Variants in UTP25 observed in about 807,000 individuals in gnomAD.
The protein encoded by UTP25 is U3 small nucleolar RNA-associated protein 25 homolog.
In UTP25, 50 loss-of-function variants were observed where a neutral mutation model predicts 78.9. That is an observed-to-expected ratio of 0.63 (90% CI 0.50 to 0.80). UTP25 has a LOEUF of 0.80. Ranked by LOEUF, UTP25 falls within the 30% of genes least tolerant of loss-of-function variation. The pLI is 0.00. For synonymous variants in UTP25, 329 were observed against 336.5 expected (o/e 0.98, Z 0.24); for missense variants, 846 against 911.3 (o/e 0.93, Z 0.92).
At chr1:209,848,273 C>G (rs1191470192) in intron 11 of UTP25, among the ~76,000 whole-genome samples, 1 of 152,148 alleles carries the variant, frequency 6.6e-6, no homozygotes, top group Non-Finnish European at 1.5e-5. Flanking sequence ...ATATTACGTA[C>G]TTTCTACCTC....
chr1:209,852,140 C>T lies in UTP25; in HGVS notation c.*693C>T, dbSNP rs1364748630. On this transcript the variant is annotated 3_prime_UTR_variant, in exon 12 of 12. Transcript: ENST00000491415. ...TCCATGTTAAAATATCCATCTTCAA[C>T]AGTAGTGTCTTCATAATAACTAGTC... 6.6e-6 allele frequency: 1 copy of T among 152,150 alleles called. No individual in the cohort carries two copies. Among genetic ancestry groups the T allele is most frequent in the Non-Finnish European group, 1.5e-5 (1 of 68,030 alleles). 9.4% of individuals were successfully genotyped at this position (152,150 alleles called of 1,614,324 possible).
rs1039211129 is a variant in UTP25 at position 209,855,451 on chromosome 1, G to C, written c.*4004G>C. On this transcript the variant is annotated 3_prime_UTR_variant, in exon 12 of 12. Transcript: ENST00000491415. ...GGGATGAGAAAGAACAGAGCTCCAG[G>C]CCTTTTTCAAACAAACTGGTTTTCT... 1 of 152,196 alleles carries C rather than the reference G, an allele frequency of 6.6e-6. No homozygotes were observed. Among genetic ancestry groups the C allele is most frequent in the African/African-American group, 2.4e-5 (1 of 41,426 alleles). The allele number at this position is 152,196 out of a possible 1,614,324, so 9.4% of individuals were successfully genotyped here.
Position 209,828,055 on chromosome 1 carries a change from G to C in UTP25, c.-9G>C. ...ACTCTTGCAAGTGGGCAAACTTGAC[G>C]TTTTCGCTATGGGCAAACGCGGGAG... On this transcript the variant is annotated 5_prime_UTR_variant, in exon 1 of 12. Transcript: ENST00000491415. 6.2e-7 allele frequency: 1 copy of C among 1,613,354 alleles called. No homozygotes were observed. Among genetic ancestry groups the C allele is most frequent in the Non-Finnish European group, 8.5e-7 (1 of 1,179,298 alleles).
In UTP25 at chr1:209,854,683, T is replaced by A. The variant is rs924506780; in HGVS notation, c.*3236T>A. On this transcript the variant is annotated 3_prime_UTR_variant, in exon 12 of 12. Coordinates refer to ENST00000491415, the MANE Select transcript of UTP25 (RefSeq NM_014388.7). Reference sequence around the variant, plus strand: ...CAAGCCCACGTGAGCAGATCTAGGGTCTCAAGATTACAGAAGGCCTGGGGT... The same window carrying A: ...CAAGCCCACGTGAGCAGATCTAGGGACTCAAGATTACAGAAGGCCTGGGGT... The A allele has an allele frequency of 4.6e-5, 7 of 152,272 alleles. No individual in the cohort carries two copies. Among genetic ancestry groups the A allele is most frequent in the Non-Finnish European group, 8.8e-5 (6 of 68,124 alleles). The allele number at this position is 152,272 out of a possible 1,614,324, so 9.4% of individuals were successfully genotyped here.
At position 209,843,434 on chromosome 1, in the gene UTP25, T is replaced by C; in HGVS notation, c.1782-17T>C. The C allele has an allele frequency of 6.2e-7, 1 of 1,612,868 alleles. No individual in the cohort carries two copies. On this transcript the variant is annotated splice_polypyrimidine_tract_variant and intron_variant, in intron 10 of 11. Transcript: ENST00000491415. ...TAGCTCTAGACATTAATTTTGCCCT[T>C]TGCCATTCCAAATCAGGTTTAACTT... is the stretch of plus-strand genomic sequence containing the variant.
At chr1:209,848,576 GA>G (rs934351036) in intron 11 of UTP25, among the ~76,000 whole-genome samples, 10 of 152,118 alleles carry the variant, frequency 6.6e-5, no homozygotes, top group African/African-American at 2.2e-4. Flanking sequence ...ATTTTGAAAG[GA>G]AAACTCGTTA....
At chr1:209,850,317 A>G (rs1404929948) in intron 11 of UTP25, among the ~76,000 whole-genome samples, 4 of 152,234 alleles carry the variant, frequency 2.6e-5, no homozygotes. Context: ...GGTGAACCAC[A>G]TAATAGATCA....
At chr1:209,841,662 T>C (rs1181408382) in intron 8 of UTP25, among the ~76,000 whole-genome samples, 1 of 152,200 alleles carries the variant, frequency 6.6e-6, no homozygotes. Flanking sequence ...TTCTAAGGCA[T>C]ATGGGAACTC....
intron 3 of UTP25, among the ~76,000 whole-genome samples, chr1:209,832,331 A>T (rs1026627544): frequency 6.6e-6 from 1 of 152,148 alleles, no homozygotes; most frequent in Non-Finnish European, 1.5e-5. Context: ...GGCCTTATAC[A>T]TTTCCGTAAC....
intron 8 of UTP25, among the ~76,000 whole-genome samples, chr1:209,841,368 A>G (rs1416010243): frequency 6.6e-6 from 1 of 152,186 alleles, no homozygotes; most frequent in Non-Finnish European, 1.5e-5. Flanking sequence ...GGATAGGTTG[A>G]TGGATGGATG....
Position 209,828,002 on chromosome 1 carries a change from C to G in UTP25, c.-62C>G. ...CAGCGAGCCCACGTGCTTGTGTTGA[C>G]TGGACAACTTCCTGGTGGAAAACCG... On this transcript the variant is annotated 5_prime_UTR_variant, in exon 1 of 12. Transcript: ENST00000491415. 7.4e-7 allele frequency: 1 copy of G among 1,352,832 alleles called. No individual in the cohort carries two copies. The highest frequency in any genetic ancestry group is 1.1e-6 in the Non-Finnish European group (1 of 942,322). 83.8% of individuals were successfully genotyped at this position (1,352,832 alleles called of 1,614,324 possible). A position where few individuals can be genotyped will look rare whatever the true frequency, so the allele number is the denominator to read the frequency against.
In UTP25 at chr1:209,854,698, A is replaced by C. The variant is rs1281067748; in HGVS notation, c.*3251A>C. 1 of 152,314 alleles carries C rather than the reference A, an allele frequency of 6.6e-6. No individual in the cohort carries two copies. Among genetic ancestry groups the C allele is most frequent in the African/African-American group, 2.4e-5 (1 of 41,470 alleles). 9.4% of individuals were successfully genotyped at this position (152,314 alleles called of 1,614,324 possible). On this transcript the variant is annotated 3_prime_UTR_variant, in exon 12 of 12. Coordinates refer to ENST00000491415, the MANE Select transcript of UTP25 (RefSeq NM_014388.7). ...AGATCTAGGGTCTCAAGATTACAGA[A>C]GGCCTGGGGTGAGGGAGCAAGAGTT... is the stretch of plus-strand genomic sequence containing the variant.
intron 4 of UTP25, 100 bp downstream of exon 4, chr1:209,833,458 A>G: frequency 9.0e-7 from 1 of 1,110,338 alleles, no homozygotes; most frequent in Non-Finnish European, 1.2e-6. Flanking sequence ...ACAGCAATAA[A>G]AACAGTTTAG....
chr1:209,842,823 T>TC, intron 10 of UTP25, 128 bp downstream of exon 10: 1 of 674,556 alleles, frequency 1.5e-6, no homozygotes, highest in Non-Finnish European at 2.5e-6. Context: ...TAATTGAACT[T>TC]AATTATGTCA....
In UTP25 at chr1:209,848,822, T is replaced by C. The variant is rs145983762; in HGVS notation, c.2028-2382T>C. ...GTGTCTTCTATAACTTTCAATGGAA[T>C]GTAGAGGCTGAAGTAAATAATACTT... On this transcript the variant is annotated intron_variant, in intron 11 of 11. Transcript: ENST00000491415. Among the ~76,000 whole-genome samples the C allele has an allele frequency of 7.2e-5, 11 of 152,332 alleles. 1 individual carries two copies. In the East Asian group the frequency reaches 1.9e-3, roughly 27 times the overall value.
chr1:209,842,338 G>C lies in UTP25; in HGVS notation c.1559G>C (p.Ser520Thr), dbSNP rs781090853. 3.1e-6 allele frequency: 5 copies of C among 1,614,118 alleles called. No individual in the cohort carries two copies. The highest frequency in any genetic ancestry group is 2.5e-6 in the Non-Finnish European group (3 of 1,179,976). Reference protein sequence around the residue: ...GVDFSRVRMWSLNNWSKYYRQ... With the variant: ...GVDFSRVRMWTLNNWSKYYRQ... ...GACTTTTCTCGAGTGCGGATGTGGA[G>C]CCTCAATAATTGGTCCAAGTACTAT... The change falls in exon 9 of 12, where the codon AGC (serine) becomes ACC (threonine). Residue 520 changes from serine (S) to threonine (T), a missense_variant. Transcript: ENST00000491415.
chr1:209,843,729 T>C (rs2078180602), intron 11 of UTP25, 33 bp downstream of exon 11: 1 of 1,601,796 alleles, frequency 6.2e-7, no homozygotes, highest in African/African-American at 1.3e-5. Flanking sequence ...GCCTCCTCTC[T>C]GAAGGGGAGG....
chr1:209,837,007 G>T lies in UTP25; in HGVS notation c.858G>T (p.Met286Ile). 2.5e-6 allele frequency: 4 copies of T among 1,614,084 alleles called. No individual in the cohort carries two copies. The highest frequency in any genetic ancestry group is 3.4e-6 in the Non-Finnish European group (4 of 1,180,010). ...TPLQKELFLI[M>I]NSYRDLFYPE... is the part of the protein sequence containing the mutation. ...TCCAGAAAGAACTCTTCTTAATTAT[G>T]AATTCTTACCGGGACCTGTTCTACC... The change falls in exon 6 of 12, where the codon ATG (methionine) becomes ATT (isoleucine). Residue 286 changes from methionine (M) to isoleucine (I), a missense_variant. By Grantham distance (10) the Met-to-Ile change is conservative (BLOSUM62 1). Coordinates refer to ENST00000491415, the MANE Select transcript of UTP25 (RefSeq NM_014388.7).
intron 11 of UTP25, among the ~76,000 whole-genome samples, chr1:209,846,660 G>C (rs746547520): frequency 2.6e-5 from 4 of 152,212 alleles, no homozygotes; most frequent in Non-Finnish European, 2.9e-5. Context: ...GGCTGTGTTT[G>C]TAGGAGTCAC....
Sources: allele counts gnomAD v4.1 joint callset (sites outside exome capture counted in the v4.1 genomes callset), GRCh38; gene constraint gnomAD v4.1.1; transcripts MANE v1.5; gene names NCBI Gene and HGNC (gene_info 2026-07-23, HGNC 2026-07-21).